CSMD1: variants seen among roughly 807,000 people sequenced by gnomAD.
CSMD1 encodes CUB and sushi domain-containing protein 1.
In CSMD1, 213 loss-of-function variants were observed where a neutral mutation model predicts 417.5. That is an observed-to-expected ratio of 0.51 (90% CI 0.46 to 0.57). CSMD1 has a LOEUF of 0.57. Ranked by LOEUF, CSMD1 falls within the 20% of genes least tolerant of loss-of-function variation. The probability of loss-of-function intolerance (pLI) is 0.00; values close to 1 mark genes in which losing one functional copy is unlikely to be tolerated. For synonymous variants in CSMD1, 2,862 were observed against 1,736.8 expected, an observed-to-expected ratio of 1.65 and a Z score of -16.11; for missense variants, 6,923 against 4,529.7, an observed-to-expected ratio of 1.53 and a Z score of -15.17.
chr8:4,103,907 G>C (rs149377379), intron 3 of CSMD1, among the ~76,000 whole-genome samples: 1 of 152,164 alleles, frequency 6.6e-6, no homozygotes, highest in Admixed American at 6.5e-5. Context: ...AGGTTCCCAA[G>C]GCCAAACAGC....
At chr8:4,924,593 G>A (rs1045251151) in intron 1 of CSMD1, among the ~76,000 whole-genome samples, 12 of 151,856 alleles carry the variant, frequency 7.9e-5, no homozygotes, top group East Asian at 1.9e-4. Context: ...GTGGTGGCCC[G>A]TGCCTGTAAT....
At chr8:3,931,330 C>G (rs532552322) in intron 5 of CSMD1, among the ~76,000 whole-genome samples, 2 of 150,452 alleles carry the variant, frequency 1.3e-5, no homozygotes, top group African/African-American at 4.9e-5. Context: ...TAGAAGTCAG[C>G]AGAAAAGGGC....
At chr8:4,294,212 G>A (rs1797539358) in intron 3 of CSMD1, among the ~76,000 whole-genome samples, 2 of 152,190 alleles carry the variant, frequency 1.3e-5, no homozygotes, top group African/African-American at 4.8e-5. Flanking sequence ...ACACCAAAAT[G>A]CGGGAGAAAC....
rs1194266380 is a variant in CSMD1, at chr8:4,943,519, A to G, written c.85+50813T>C. Among the ~76,000 whole-genome samples, 9 of 104,228 alleles carry G rather than the reference A, an allele frequency of 8.6e-5. 1 individual carries two copies. In the East Asian group the frequency reaches 1.6e-3, roughly 19 times the overall value. The allele number at this position is 104,228 out of a possible 152,430, so 68.4% of individuals were successfully genotyped here. On this transcript the variant is annotated intron_variant, in intron 1 of 69. Coordinates refer to ENST00000635120, the MANE Select transcript of CSMD1 (RefSeq NM_033225.6). ...TCAAAAAAATAAAATGAAATAAAAT[A>G]AAATAAAATAAAATAAAATAAAATC...
chr8:3,262,230 T>TATATACACAC (rs770901446), intron 26 of CSMD1, among the ~76,000 whole-genome samples: 41 of 95,668 alleles, frequency 4.3e-4, no homozygotes, highest in South Asian at 7.1e-4. Flanking sequence ...TATATATATA[T>TATATACACAC]ACACACACAT....
At chr8:4,155,982 GA>G (rs1289890754) in intron 3 of CSMD1, among the ~76,000 whole-genome samples, 1 of 152,124 alleles carries the variant, frequency 6.6e-6, no homozygotes, top group Non-Finnish European at 1.5e-5. Flanking sequence ...AAAGTCTGCT[GA>G]TAAACATCAA....
At chr8:4,148,268 A>G (rs569066132) in intron 3 of CSMD1, among the ~76,000 whole-genome samples, 7 of 151,602 alleles carry the variant, frequency 4.6e-5, no homozygotes, top group African/African-American at 1.7e-4. Context: ...TATCACAAGG[A>G]CAAAAAACCA....
At chr8:2,967,355 C>G (rs777120375) in intron 57 of CSMD1, among the ~76,000 whole-genome samples, 19 of 152,172 alleles carry the variant, frequency 1.2e-4, no homozygotes, top group Non-Finnish European at 1.9e-4. Context: ...CATGATTGAA[C>G]TTTACATTTC....
intron 3 of CSMD1, among the ~76,000 whole-genome samples, chr8:4,199,290 G>A (rs1035011762): frequency 4.6e-5 from 7 of 152,170 alleles, no homozygotes; most frequent in African/African-American, 1.2e-4. Context: ...TCATTGATAT[G>A]CAGGCAGTGT....
chr8:2,963,802 T>A (rs956544662), intron 59 of CSMD1, among the ~76,000 whole-genome samples: 18 of 152,328 alleles, frequency 1.2e-4, no homozygotes, highest in Middle Eastern at 3.4e-3. Context: ...GCCATCTGTA[T>A]TTTTTATTTA....
chr8:3,136,100 C>G (rs937598312), intron 41 of CSMD1, among the ~76,000 whole-genome samples: 4 of 152,114 alleles, frequency 2.6e-5, no homozygotes, highest in South Asian at 2.1e-4. Flanking sequence ...CTTTGTCCCC[C>G]CCTCATGCAT....
intron 3 of CSMD1, among the ~76,000 whole-genome samples, chr8:4,393,898 C>T (rs1804029017): frequency 6.6e-6 from 1 of 152,132 alleles, no homozygotes; most frequent in African/African-American, 2.4e-5. Flanking sequence ...TGAAATATAC[C>T]TTTCCATCTT....
intron 3 of CSMD1, among the ~76,000 whole-genome samples, chr8:4,100,176 T>C (rs1413748552): frequency 1.3e-5 from 2 of 152,172 alleles, no homozygotes; most frequent in Non-Finnish European, 2.9e-5. Flanking sequence ...GGGCATATAC[T>C]ACCACTACCT....
intron 4 of CSMD1, among the ~76,000 whole-genome samples, chr8:4,027,941 G>A (rs1048745094): frequency 2.0e-5 from 3 of 152,082 alleles, no homozygotes; most frequent in African/African-American, 7.2e-5. Flanking sequence ...GTAGAAATAA[G>A]GAAGAAGAAA....
At chr8:4,004,378 A>G (rs1166058144) in intron 4 of CSMD1, among the ~76,000 whole-genome samples, 1 of 151,548 alleles carries the variant, frequency 6.6e-6, no homozygotes, top group East Asian at 1.9e-4. Context: ...AACATATTAG[A>G]GATGCTGTTG....
intron 31 of CSMD1, among the ~76,000 whole-genome samples, chr8:3,204,340 T>A (rs1797133272): frequency 6.6e-6 from 1 of 152,160 alleles, no homozygotes; most frequent in African/African-American, 2.4e-5. Context: ...TTTTGTCATG[T>A]TTCCATGAAC....
At chr8:4,590,040 A>T (rs919018785) in intron 2 of CSMD1, among the ~76,000 whole-genome samples, 1 of 152,244 alleles carries the variant, frequency 6.6e-6, no homozygotes, top group African/African-American at 2.4e-5. Context: ...GCTTTTTAAC[A>T]ATATTACATT....
At chr8:3,365,520 T>G (rs1416645286) in intron 20 of CSMD1, among the ~76,000 whole-genome samples, 1 of 152,246 alleles carries the variant, frequency 6.6e-6, no homozygotes, top group Non-Finnish European at 1.5e-5. Flanking sequence ...ATACATGAAT[T>G]GTTTTCAATA....
At chr8:4,906,703 C>T (rs1208333110) in intron 1 of CSMD1, among the ~76,000 whole-genome samples, 5 of 152,078 alleles carry the variant, frequency 3.3e-5, no homozygotes, top group African/African-American at 1.2e-4. Context: ...ACTACAGGCG[C>T]ATGCCACCAT....
Sources: gnomAD v4.1 joint callset for allele counts (sites outside exome capture counted in the v4.1 genomes callset) on GRCh38, gnomAD v4.1.1 for gene constraint, MANE v1.5 for transcripts, NCBI Gene and HGNC (gene_info 2026-07-23, HGNC 2026-07-21) for gene names.